Variants in GALNT18 observed in about 807,000 individuals in gnomAD.
The protein encoded by GALNT18 is polypeptide N-acetylgalactosaminyltransferase 18.
GALNT18 carries 44 observed loss-of-function variants against 69.5 expected under a neutral mutation model. The ratio of observed to expected loss-of-function variants is 0.63; its 90% confidence interval spans 0.50 to 0.81. The LOEUF (loss-of-function observed/expected upper bound fraction) is 0.81, where lower values mean the gene tolerates loss of function less well. GALNT18 is among the 40% of genes least tolerant of loss of function. GALNT18 has a pLI of 0.00. For missense variants in GALNT18, 715 were observed against 810.0 expected, an observed-to-expected ratio of 0.88 and a Z score of 1.42; for synonymous variants, 364 against 318.2, an observed-to-expected ratio of 1.14 and a Z score of -1.53.
At chr11:11,350,070 T>C (rs1046347681) in intron 6 of GALNT18, among the ~76,000 whole-genome samples, 27 of 152,342 alleles carry the variant, frequency 1.8e-4, no homozygotes, top group Admixed American at 1.5e-3. Flanking sequence ...GCAGGATTCA[T>C]TGGGCAGAAT....
At chr11:11,295,013 T>G (rs530973333) in intron 9 of GALNT18, among the ~76,000 whole-genome samples, 2 of 152,250 alleles carry the variant, frequency 1.3e-5, no homozygotes, top group African/African-American at 2.4e-5. Flanking sequence ...TAATTCAAAA[T>G]GGCAAAATTA....
chr11:11,562,483 A>G lies in GALNT18; in HGVS notation c.235+58876T>C, dbSNP rs1371037278. 6.6e-6 allele frequency among the ~76,000 whole-genome samples: 1 copy of G among 152,020 alleles called. No individual in the cohort carries two copies. The highest frequency in any genetic ancestry group is 6.5e-5 in the Admixed American group (1 of 15,272). On this transcript the variant is annotated intron_variant, in intron 1 of 10. Transcript: ENST00000227756. This position sits in a 1 kb window ranked among gnomAD's most constrained non-coding sequence, Gnocchi z 4.1. ...ACTCCAAAATATTGTTTTAGGGGAG[A>G]CATGATTCAACCCATAATACTCCCC...
chr11:11,366,270 A>G (rs1369697690), intron 6 of GALNT18, among the ~76,000 whole-genome samples: 2 of 152,244 alleles, frequency 1.3e-5, no homozygotes, highest in African/African-American at 4.8e-5. Flanking sequence ...CTTGCAACAC[A>G]GGTTCCTGAG....
intron 1 of GALNT18, among the ~76,000 whole-genome samples, chr11:11,577,942 A>T (rs984043198): frequency 6.6e-6 from 1 of 152,216 alleles, no homozygotes; most frequent in Non-Finnish European, 1.5e-5. Flanking sequence ...GCAAGAAGCA[A>T]TTTGATAGGA....
rs1855609134 is a variant in GALNT18, at chr11:11,444,770, AT to A, written c.428+3973del. Among the ~76,000 whole-genome samples the A allele has an allele frequency of 6.6e-6, 1 of 152,214 alleles. No individual in the cohort carries two copies. ...AGCCAAGAATAACATCAGGGTTAGA[AT>A]TTGGAAGAAAAGAGCCAAGAATACC... On this transcript the variant is annotated intron_variant, in intron 2 of 10. Coordinates refer to ENST00000227756, the MANE Select transcript of GALNT18 (RefSeq NM_198516.3). The surrounding 1 kb of genome is among the most constrained non-coding windows in gnomAD (Gnocchi z 4.4).
intron 1 of GALNT18, among the ~76,000 whole-genome samples, chr11:11,498,410 G>T (rs1276658156): frequency 2.6e-5 from 4 of 152,190 alleles, no homozygotes; most frequent in African/African-American, 9.7e-5. Flanking sequence ...AATACTATGG[G>T]TTCCATGCCA....
At chr11:11,510,489 GC>G (rs74866694) in intron 1 of GALNT18, among the ~76,000 whole-genome samples, 3 of 104,626 alleles carry the variant, frequency 2.9e-5, no homozygotes, top group Admixed American at 8.8e-5. Context: ...CTTGTACCAG[GC>G]ACTGGGCATG....
rs1860171222 is a variant in GALNT18, at chr11:11,620,715, G to T, written c.235+644C>A. ...GCGTTGACACCTGCTCCTGGAGAGG[G>T]TCCTGGACCCGCGGGCTGTGGTGGG... On this transcript the variant is annotated intron_variant, in intron 1 of 10. Transcript: ENST00000227756. The surrounding 1 kb of genome is among the most constrained non-coding windows in gnomAD (Gnocchi z 6.9). Among the ~76,000 whole-genome samples, 1 of 152,170 alleles carries T rather than the reference G, an allele frequency of 6.6e-6. No individual in the cohort carries two copies.
At chr11:11,477,054 G>A (rs1310376191) in intron 1 of GALNT18, among the ~76,000 whole-genome samples, 1 of 152,204 alleles carries the variant, frequency 6.6e-6, no homozygotes, top group African/African-American at 2.4e-5. Flanking sequence ...AGAGGCTTCA[G>A]TGGAACCACC....
At chr11:11,366,538 T>A (rs1054747231) in intron 6 of GALNT18, among the ~76,000 whole-genome samples, 7 of 152,204 alleles carry the variant, frequency 4.6e-5, no homozygotes, top group Admixed American at 2.6e-4. Context: ...TTGACCAACA[T>A]AAACATTTTT....
At chr11:11,481,843 A>C (rs188089589) in intron 1 of GALNT18, among the ~76,000 whole-genome samples, 93 of 152,306 alleles carry the variant, frequency 6.1e-4, no homozygotes, top group Non-Finnish European at 1.2e-3. Flanking sequence ...CCTTGTTTGA[A>C]TTATCACAGT....
At chr11:11,297,512 T>G (rs555771865) in intron 9 of GALNT18, among the ~76,000 whole-genome samples, 1 of 152,116 alleles carries the variant, frequency 6.6e-6, no homozygotes, top group African/African-American at 2.4e-5. Flanking sequence ...CCCACCTCCC[T>G]GGGGTCACTC....
At position 11,402,730 on chromosome 11, in the gene GALNT18, A is replaced by G. The variant is rs953222534; in HGVS notation, c.596-23466T>C. On this transcript the variant is annotated intron_variant, in intron 3 of 10. Coordinates refer to ENST00000227756, the MANE Select transcript of GALNT18 (RefSeq NM_198516.3). This position sits in a 1 kb window ranked among gnomAD's most constrained non-coding sequence, Gnocchi z 4.0. ...TCATTTTCCAAACCTAAAGTGTGGC[A>G]TTTTAATGCACCTGCCTTGCAGCTG... Among the ~76,000 whole-genome samples, 1 of 152,248 alleles carries G rather than the reference A, an allele frequency of 6.6e-6. No individual in the cohort carries two copies. The highest frequency in any genetic ancestry group is 1.5e-5 in the Non-Finnish European group (1 of 68,048).
At chr11:11,451,740 C>T (rs1348224526) in intron 1 of GALNT18, among the ~76,000 whole-genome samples, 1 of 152,164 alleles carries the variant, frequency 6.6e-6, no homozygotes, top group Non-Finnish European at 1.5e-5. Flanking sequence ...GGGACTCAAT[C>T]GATCATTTCA....
chr11:11,457,986 C>T (rs1403755783), intron 1 of GALNT18, among the ~76,000 whole-genome samples: 1 of 152,184 alleles, frequency 6.6e-6, no homozygotes, highest in Non-Finnish European at 1.5e-5. Context: ...GGTTGGGGTG[C>T]CAGGTATCTG....
intron 10 of GALNT18, among the ~76,000 whole-genome samples, chr11:11,273,027 A>G (rs1245889180): frequency 6.6e-6 from 1 of 150,530 alleles, no homozygotes; most frequent in Non-Finnish European, 1.5e-5. Flanking sequence ...TATATATGAA[A>G]ATCAAATCAA....
rs1855410761 is a variant in GALNT18 at position 11,436,684 on chromosome 11, C to T, written c.429-3897G>A. Among the ~76,000 whole-genome samples the T allele has an allele frequency of 6.6e-6, 1 of 152,212 alleles. No homozygotes were observed. The highest frequency in any genetic ancestry group is 2.4e-5 in the African/African-American group (1 of 41,458). On this transcript the variant is annotated intron_variant, in intron 2 of 10. Coordinates refer to ENST00000227756, the MANE Select transcript of GALNT18 (RefSeq NM_198516.3). The surrounding 1 kb of genome is among the most constrained non-coding windows in gnomAD (Gnocchi z 4.5). ...CACCTCAACACTGAAGCAGAATGTA[C>T]ATTGCTGAAGGGCAGGGGCAAAAAG... is the stretch of plus-strand genomic sequence containing the variant.
chr11:11,558,485 G>A (rs543477426), intron 1 of GALNT18, among the ~76,000 whole-genome samples: 8 of 152,346 alleles, frequency 5.3e-5, no homozygotes, highest in Non-Finnish European at 7.4e-5. Flanking sequence ...AGGGCACAGC[G>A]CTTGTCCCTG....
chr11:11,483,164 G>C (rs1856569655), intron 1 of GALNT18, among the ~76,000 whole-genome samples: 1 of 115,398 alleles, frequency 8.7e-6, no homozygotes. Flanking sequence ...GAGAGGGACT[G>C]TCTTGCCTCC....
Sources: allele counts gnomAD v4.1 joint callset (sites outside exome capture counted in the v4.1 genomes callset), GRCh38; gene constraint gnomAD v4.1.1; non-coding constraint Gnocchi (gnomAD v3.1); transcripts MANE v1.5; gene names NCBI Gene and HGNC (gene_info 2026-07-23, HGNC 2026-07-21).